Variants in LSAMP observed in about 807,000 individuals in gnomAD.
The protein encoded by LSAMP is limbic system associated membrane protein.
A neutral mutation model predicts 38.6 loss-of-function variants in LSAMP; 7 were observed. The ratio of observed to expected loss-of-function variants is 0.18; its 90% CI spans 0.10 to 0.34. The LOEUF is 0.34. Ranked by LOEUF, LSAMP falls within the 10% of genes least tolerant of loss-of-function variation. The pLI is 1.00. For missense variants in LSAMP, 313 were observed against 420.0 expected, an observed-to-expected ratio of 0.75 and a Z score of 2.23; for synonymous variants, 154 against 166.8, an observed-to-expected ratio of 0.92 and a Z score of 0.59.
chr3:115,865,081 T>C (rs139072140), intron 3 of LSAMP, among the ~76,000 whole-genome samples: 1 of 152,356 alleles, frequency 6.6e-6, no homozygotes, highest in African/African-American at 2.4e-5. Flanking sequence ...AATTTGCTAA[T>C]GGATGTCAAT....
At chr3:115,887,337 C>T (rs1342077424) in intron 3 of LSAMP, among the ~76,000 whole-genome samples, 3 of 151,636 alleles carry the variant, frequency 2.0e-5, no homozygotes, top group African/African-American at 7.3e-5. Flanking sequence ...TATGTAAGAA[C>T]AGCTGTAATT....
chr3:116,427,054 C>G (rs1403733334), intron 1 of LSAMP, among the ~76,000 whole-genome samples: 2 of 150,786 alleles, frequency 1.3e-5, no homozygotes, highest in African/African-American at 4.9e-5. Flanking sequence ...TTCGTTCATT[C>G]ATTCATTTAT....
intron 1 of LSAMP, among the ~76,000 whole-genome samples, chr3:116,401,544 A>G (rs2048842019): frequency 6.6e-6 from 1 of 152,172 alleles, no homozygotes; most frequent in Non-Finnish European, 1.5e-5. Flanking sequence ...AGCCTCCCAA[A>G]GTGCTGGGAT....
chr3:116,018,094 T>C (rs769566276), intron 3 of LSAMP, among the ~76,000 whole-genome samples: 1 of 152,160 alleles, frequency 6.6e-6, no homozygotes, highest in Non-Finnish European at 1.5e-5. Flanking sequence ...AAAATAAGTA[T>C]GCGAGTCAAT....
intron 1 of LSAMP, among the ~76,000 whole-genome samples, chr3:116,148,028 A>C (rs1361013947): frequency 6.6e-6 from 1 of 151,930 alleles, no homozygotes; most frequent in Admixed American, 6.6e-5. Context: ...AAGACTTCAA[A>C]ACACTATTGT....
chr3:116,411,878 G>A (rs187909623), intron 1 of LSAMP, among the ~76,000 whole-genome samples: 83 of 152,046 alleles, frequency 5.5e-4, no homozygotes, highest in Admixed American at 3.2e-3. Context: ...TATTGCCAGA[G>A]AGGGTTAATT....
At chr3:115,965,243 A>G (rs1938761727) in intron 3 of LSAMP, among the ~76,000 whole-genome samples, 1 of 152,072 alleles carries the variant, frequency 6.6e-6, no homozygotes, top group Admixed American at 6.6e-5. Context: ...GGAAATATGA[A>G]TATTACAGAG....
chr3:116,259,077 G>A (rs150034240), intron 1 of LSAMP, among the ~76,000 whole-genome samples: 2 of 152,196 alleles, frequency 1.3e-5, no homozygotes, highest in East Asian at 1.9e-4. Flanking sequence ...CAGTTCATGA[G>A]TGGTGTTAAC....
intron 3 of LSAMP, among the ~76,000 whole-genome samples, chr3:115,961,730 C>G (rs371484279): frequency 6.6e-6 from 1 of 152,196 alleles, no homozygotes; most frequent in East Asian, 1.9e-4. Context: ...TGCTTAAAGA[C>G]CACAGTAATT....
chr3:116,050,392 A>C (rs1941373114), intron 2 of LSAMP, among the ~76,000 whole-genome samples: 1 of 152,194 alleles, frequency 6.6e-6, no homozygotes, highest in African/African-American at 2.4e-5. Context: ...ATATTAAAAA[A>C]AAATTTCTAT....
At chr3:115,823,190 C>T (rs1934302380) in intron 6 of LSAMP, among the ~76,000 whole-genome samples, 1 of 152,186 alleles carries the variant, frequency 6.6e-6, no homozygotes, top group Non-Finnish European at 1.5e-5. Flanking sequence ...TGAGCCCCCA[C>T]ATCTGAAAGG....
intron 1 of LSAMP, among the ~76,000 whole-genome samples, chr3:116,349,965 C>T (rs1423545239): frequency 6.6e-6 from 1 of 151,782 alleles, no homozygotes. Context: ...GCGAATATAC[C>T]AAGTTGTTGA....
chr3:116,195,854 T>C (rs1026107265), intron 1 of LSAMP, among the ~76,000 whole-genome samples: 4 of 152,164 alleles, frequency 2.6e-5, no homozygotes, highest in Non-Finnish European at 5.9e-5. Flanking sequence ...CTACCCTAGA[T>C]TGACTAAATT....
chr3:116,175,608 G>A (rs1288945148), intron 1 of LSAMP, among the ~76,000 whole-genome samples: 2 of 151,794 alleles, frequency 1.3e-5, no homozygotes, highest in African/African-American at 4.8e-5. Context: ...ATGTAGGAGA[G>A]GTGTACACCC....
chr3:116,148,762 G>C (rs1454975057), intron 1 of LSAMP, among the ~76,000 whole-genome samples: 1 of 151,974 alleles, frequency 6.6e-6, no homozygotes, highest in Non-Finnish European at 1.5e-5. Flanking sequence ...TTGGTAAACA[G>C]AGAGGGGCCT....
At chr3:116,359,374 T>C in intron 1 of LSAMP, among the ~76,000 whole-genome samples, 1 of 152,172 alleles carries the variant, frequency 6.6e-6, no homozygotes, top group Non-Finnish European at 1.5e-5. Flanking sequence ...ATGCATAGGC[T>C]TGGCCTCTCT....
intron 1 of LSAMP, among the ~76,000 whole-genome samples, chr3:116,397,395 C>CCCCA (rs1553731267): frequency 6.8e-6 from 1 of 147,270 alleles, no homozygotes; most frequent in African/African-American, 2.5e-5. Context: ...CGCCCCCCCC[C>CCCCA]CACACACACA....
At chr3:116,293,520 G>T (rs1284487419) in intron 1 of LSAMP, among the ~76,000 whole-genome samples, 1 of 152,100 alleles carries the variant, frequency 6.6e-6, no homozygotes, top group Non-Finnish European at 1.5e-5. Context: ...CAAAAAAATG[G>T]AGGATTGAAT....
intron 3 of LSAMP, among the ~76,000 whole-genome samples, chr3:115,866,331 G>A (rs899295207): frequency 4.4e-4 from 67 of 152,180 alleles, no homozygotes; most frequent in African/African-American, 1.5e-3. Context: ...ACTCCCAATT[G>A]TGGGTTACCC....
Sources: gnomAD v4.1 joint callset for allele counts (sites outside exome capture counted in the v4.1 genomes callset) on GRCh38, gnomAD v4.1.1 for gene constraint, MANE v1.5 for transcripts, NCBI Gene and HGNC (gene_info 2026-07-23, HGNC 2026-07-21) for gene names.